CDH12: variants seen among roughly 807,000 people sequenced by gnomAD.
CDH12 encodes cadherin 12.
Under a neutral mutation model 74.1 loss-of-function variants are expected in CDH12, and 41 were observed. The ratio of observed to expected loss-of-function variants is 0.55; its 90% CI spans 0.43 to 0.72. The LOEUF (loss-of-function observed/expected upper bound fraction) is 0.72, where lower values mean the gene tolerates loss of function less well. Among genes scored for constraint, CDH12 ranks in the 30% least tolerant of loss-of-function variants. The probability of loss-of-function intolerance (pLI) is 0.00; values close to 1 mark genes in which losing one functional copy is unlikely to be tolerated. For missense variants in CDH12, 945 were observed against 977.2 expected (o/e 0.97, Z 0.44); for synonymous variants, 399 against 355.0 (o/e 1.12, Z -1.39).
intron 1 of CDH12, among the ~76,000 whole-genome samples, chr5:22,556,591 T>C (rs1350922045): frequency 6.6e-6 from 1 of 152,064 alleles, no homozygotes; most frequent in Non-Finnish European, 1.5e-5. Context: ...CTTTTTAAAA[T>C]ATTGTTTTTG....
At chr5:21,981,355 T>C (rs1757298015) in intron 5 of CDH12, among the ~76,000 whole-genome samples, 1 of 152,034 alleles carries the variant, frequency 6.6e-6, no homozygotes, top group African/African-American at 2.4e-5. Context: ...TATACTTACC[T>C]CCTAGTCTAT....
intron 6 of CDH12, among the ~76,000 whole-genome samples, chr5:21,902,131 TGTAGG>T (rs1753418301): frequency 6.6e-6 from 1 of 152,160 alleles, no homozygotes; most frequent in African/African-American, 2.4e-5. Flanking sequence ...TGCTGCCTTC[TGTAGG>T]ATCTATCTTA....
chr5:21,960,187 G>T (rs983479094), intron 6 of CDH12, among the ~76,000 whole-genome samples: 1 of 152,070 alleles, frequency 6.6e-6, no homozygotes, highest in Non-Finnish European at 1.5e-5. Context: ...CACCAAATGA[G>T]TCTGATAGAC....
At chr5:22,669,979 A>T (rs570309229) in intron 1 of CDH12, among the ~76,000 whole-genome samples, 9 of 152,300 alleles carry the variant, frequency 5.9e-5, no homozygotes, top group African/African-American at 2.2e-4. Context: ...TTTCACTCTT[A>T]ATTAAGCCAT....
intron 5 of CDH12, among the ~76,000 whole-genome samples, chr5:22,018,302 T>G (rs1018949432): frequency 6.6e-6 from 1 of 152,186 alleles, no homozygotes; most frequent in Non-Finnish European, 1.5e-5. Flanking sequence ...TAAAAAATGA[T>G]AGCATACATC....
intron 1 of CDH12, among the ~76,000 whole-genome samples, chr5:22,741,036 A>T (rs1036147251): frequency 2.6e-5 from 4 of 152,188 alleles, no homozygotes; most frequent in African/African-American, 9.6e-5. Context: ...ACACCAAAGT[A>T]GAAGAGAATT....
intron 6 of CDH12, among the ~76,000 whole-genome samples, chr5:21,971,038 CT>C (rs1756832513): frequency 6.6e-6 from 1 of 151,578 alleles, no homozygotes; most frequent in Non-Finnish European, 1.5e-5. Context: ...CAGTGTTCTA[CT>C]TTATTTTAGG....
At chr5:22,684,581 G>C (rs1416109357) in intron 1 of CDH12, among the ~76,000 whole-genome samples, 2 of 152,198 alleles carry the variant, frequency 1.3e-5, no homozygotes, top group African/African-American at 2.4e-5. Context: ...AAGATGGGCT[G>C]TCACGTATTC....
chr5:22,086,329 T>A (rs12521831), intron 4 of CDH12, among the ~76,000 whole-genome samples: 45,602 of 151,084 alleles, frequency 0.3, 7,838 homozygotes, highest in African/African-American at 0.48. Flanking sequence ...ATTTATATAT[T>A]TATTTATTTA....
At chr5:22,090,178 C>A (rs927183621) in intron 4 of CDH12, among the ~76,000 whole-genome samples, 2 of 151,580 alleles carry the variant, frequency 1.3e-5, no homozygotes, top group Admixed American at 1.3e-4. Flanking sequence ...AATGAAATTA[C>A]TAAAATCAGT....
intron 6 of CDH12, among the ~76,000 whole-genome samples, chr5:21,923,437 AC>A (rs956995663): frequency 1.1e-4 from 16 of 152,174 alleles, no homozygotes; most frequent in Non-Finnish European, 2.4e-4. Context: ...TCCCATATTT[AC>A]AACTCCATCC....
chr5:22,294,763 CA>C (rs1737551870), intron 3 of CDH12, among the ~76,000 whole-genome samples: 1 of 152,212 alleles, frequency 6.6e-6, no homozygotes, highest in Non-Finnish European at 1.5e-5. Flanking sequence ...AAACCTTAGA[CA>C]GGTTTCTTCC....
At chr5:22,516,532 C>A (rs1736813608) in intron 1 of CDH12, among the ~76,000 whole-genome samples, 1 of 152,134 alleles carries the variant, frequency 6.6e-6, no homozygotes, top group African/African-American at 2.4e-5. Flanking sequence ...CAGTGGGTCA[C>A]ACCTGTAATC....
rs1491584785 is a variant in CDH12, at chr5:22,117,458, T to TA, written c.-186-38597_-186-38596insT. Among the ~76,000 whole-genome samples, 223 of 75,492 alleles carry TA rather than the reference T, an allele frequency of 3.0e-3. 3 individuals carry two copies. Among genetic ancestry groups the TA allele is most frequent in the African/African-American group, 0.011 (210 of 18,794 alleles). The allele number at this position is 75,492 out of a possible 152,430, so 49.5% of individuals were successfully genotyped here. On this transcript the variant is annotated intron_variant, in intron 4 of 14. Coordinates refer to ENST00000382254, the MANE Select transcript of CDH12 (RefSeq NM_004061.5). ...AAATTATATATATATAATATATATA[T>TA]TATATATATAATATATATATTATAT... is the stretch of plus-strand genomic sequence containing the variant.
In CDH12 at chr5:22,277,678, C is replaced by CA. The variant is rs370102337; in HGVS notation, c.-332-65036dup. ...AGAAACCCTATCTCTACCAAAAATA[C>CA]AAAAAATCAGCCAGGCGTGATGGTG... On this transcript the variant is annotated intron_variant, in intron 3 of 14. Transcript: ENST00000382254. Among the ~76,000 whole-genome samples, 508 of 151,146 alleles carry CA rather than the reference C, an allele frequency of 3.4e-3. 1 individual carries two copies. The highest frequency in any genetic ancestry group is 0.012 in the African/African-American group (481 of 41,146).
At chr5:22,127,368 T>G (rs1365282299) in intron 4 of CDH12, among the ~76,000 whole-genome samples, 1 of 151,418 alleles carries the variant, frequency 6.6e-6, no homozygotes, top group Non-Finnish European at 1.5e-5. Context: ...TCCCAGCTAC[T>G]CGGGAGGCTG....
intron 7 of CDH12, among the ~76,000 whole-genome samples, chr5:21,844,239 G>A (rs1750033430): frequency 6.6e-6 from 1 of 152,010 alleles, no homozygotes; most frequent in African/African-American, 2.4e-5. Flanking sequence ...GGGGTACTAT[G>A]AAAAGAATAA....
intron 5 of CDH12, among the ~76,000 whole-genome samples, chr5:22,063,534 T>G (rs1472726810): frequency 2.0e-5 from 3 of 152,118 alleles, no homozygotes; most frequent in Non-Finnish European, 4.4e-5. Flanking sequence ...ATTACTTCCT[T>G]TGAGTCTTAA....
intron 6 of CDH12, among the ~76,000 whole-genome samples, chr5:21,865,115 G>A (rs532842937): frequency 1.3e-5 from 2 of 152,210 alleles, no homozygotes; most frequent in South Asian, 2.1e-4. Flanking sequence ...GGACTTTGTG[G>A]AAAGTAGAAC....
Sources: gnomAD v4.1 joint callset for allele counts (sites outside exome capture counted in the v4.1 genomes callset) on GRCh38, gnomAD v4.1.1 for gene constraint, MANE v1.5 for transcripts, NCBI Gene and HGNC (gene_info 2026-07-23, HGNC 2026-07-21) for gene names.